Variants in AMH observed in about 807,000 individuals in gnomAD.
The protein encoded by AMH is anti-Mullerian hormone, also known as anti-Muellerian hormone.
AMH carries 39 observed loss-of-function variants against 33.3 expected under a neutral mutation model. The observed-to-expected ratio is 1.17, with a 90% CI of 0.91 to 1.53. The LOEUF (loss-of-function observed/expected upper bound fraction) is 1.53, where lower values mean the gene tolerates loss of function less well. AMH is among the 40% of genes most tolerant of loss of function. The pLI is 0.00. For synonymous variants in AMH, 536 were observed against 403.0 expected (o/e 1.33, Z -3.95); for missense variants, 1,019 against 799.8 (o/e 1.27, Z -3.30).
Position 2,251,541 on chromosome 19 carries a change from C to G in AMH, c.1267C>G (p.Arg423Gly). 2.2e-6 allele frequency: 3 copies of G among 1,340,000 alleles called. No homozygotes were observed. The highest frequency in any genetic ancestry group is 2.9e-6 in the Non-Finnish European group (3 of 1,047,680). 83.0% of individuals were successfully genotyped at this position (1,340,000 alleles called of 1,614,324 possible). A position where few individuals can be genotyped will look rare whatever the true frequency, so the allele number is the denominator to read the frequency against. ...CCCCGGCGGCCTCGGCGATCCCCTG[C>G]GAGCGCTGCTGCTCCTGAAGGCGCT... ...GGPGGLGDPL[R>G]ALLLLKALQG... Residue 423 changes from arginine to glycine, a missense_variant, in exon 5 of 5, where the codon CGA becomes GGA. Coordinates refer to ENST00000221496, the MANE Select transcript of AMH (RefSeq NM_000479.5).
intron 1 of AMH, 23 bp downstream of exon 1, chr19:2,249,767 C>T (rs765581296): frequency 1.3e-5 from 20 of 1,485,562 alleles, no homozygotes; most frequent in Middle Eastern, 3.6e-4. Context: ...CAGCCCCAAG[C>T]TTGGCACCGC....
rs1234148017 is a variant in AMH at position 2,251,098 on chromosome 19, G to C, written c.825-1G>C. The C allele has an allele frequency of 1.3e-6, 2 of 1,542,084 alleles. No homozygotes were observed. Among genetic ancestry groups the C allele is most frequent in the African/African-American group, 1.4e-5 (1 of 72,518 alleles). On this transcript the variant is annotated splice_acceptor_variant, in intron 4 of 4. Coordinates refer to ENST00000221496, the MANE Select transcript of AMH (RefSeq NM_000479.5). LOFTEE classifies it high-confidence loss of function. ...TCAACTCCTCCAATTGCGGGTTCCA[G>C]GCCATCCGCGGAACTCGAGGAGTCG...
At chr19:2,250,131 G>C in intron 1 of AMH, 1 of 823,266 alleles carries the variant, frequency 1.2e-6, no homozygotes, top group Non-Finnish European at 1.9e-6. Flanking sequence ...CCCCAGGGCG[G>C]CAGCCCCACC....
chr19:2,249,395 G>A lies in AMH; in HGVS notation c.63G>A (p.Gly21=). Residue 21 remains glycine (G), a synonymous_variant, in exon 1 of 5, where the codon GGG becomes GGA. Coordinates refer to ENST00000221496, the MANE Select transcript of AMH (RefSeq NM_000479.5). ...LVLSALGALL[G]TEALRAEEPA... ...TGTCTGCCCTGGGGGCTCTGCTGGG[G>A]ACTGAGGCCCTCAGAGCAGAGGAGC... is the stretch of plus-strand genomic sequence containing the variant. 1 of 1,592,492 alleles carries A rather than the reference G, an allele frequency of 6.3e-7. No individual in the cohort carries two copies. The highest frequency in any genetic ancestry group is 8.5e-7 in the Non-Finnish European group (1 of 1,170,420).
rs2025049187 is a variant in AMH, at chr19:2,251,717, G to A, written c.1443G>A (p.Glu481=). 1 of 1,611,688 alleles carries A rather than the reference G, an allele frequency of 6.2e-7. No homozygotes were observed. The highest frequency in any genetic ancestry group is 8.5e-7 in the Non-Finnish European group (1 of 1,179,584). The change falls in exon 5 of 5, where the codon GAG becomes GAA. Residue 481 remains glutamate (E), a synonymous_variant. Transcript: ENST00000221496. ...LRAERSVLIP[E]TYQANNCQGV... is the part of the protein sequence containing the mutation. ...CCGAGCGCTCCGTACTCATCCCCGA[G>A]ACCTACCAGGCCAACAATTGCCAGG... is the stretch of plus-strand genomic sequence containing the variant.
In AMH at chr19:2,249,448, TC is replaced by T; in HGVS notation, c.118del (p.Arg40GlufsTer37). 1 of 1,604,738 alleles carries T rather than the reference TC, an allele frequency of 6.2e-7. No individual in the cohort carries two copies. On this transcript the variant is annotated frameshift_variant, in exon 1 of 5. Transcript: ENST00000221496. LOFTEE classifies it high-confidence loss of function. Reference sequence around the variant, plus strand: ...GCTGTGGGCACCAGTGGCCTCATCTTCCGAGAAGACTTGGACTGGCCTCCAG... The same window carrying T: ...GCTGTGGGCACCAGTGGCCTCATCTTCGAGAAGACTTGGACTGGCCTCCAG... ...EPAVGTSGLI[F>X]REDLDWPPGS...
Position 2,251,263 on chromosome 19 carries a change from T to C in AMH, c.989T>C (p.Leu330Pro). The C allele has an allele frequency of 6.6e-7, 1 of 1,505,066 alleles. No individual in the cohort carries two copies. Among genetic ancestry groups the C allele is most frequent in the Non-Finnish European group, 8.8e-7 (1 of 1,134,776 alleles). The allele number at this position is 1,505,066 out of a possible 1,614,324, so 93.2% of individuals were successfully genotyped here. The change falls in exon 5 of 5, where the codon CTG becomes CCG. Residue 330 changes from leucine (L) to proline (P), a missense_variant. Coordinates refer to ENST00000221496, the MANE Select transcript of AMH (RefSeq NM_000479.5). ...LAGFPQGLVN[L>P]SDPAALERLL... ...GGCTTCCCGCAGGGCCTAGTCAACCTGTCGGACCCCGCGGCGCTGGAGCGC... is the reference window on the plus strand; with the variant it reads ...GGCTTCCCGCAGGGCCTAGTCAACCCGTCGGACCCCGCGGCGCTGGAGCGC...
In AMH at chr19:2,249,385, C is replaced by T. The variant is rs61736578; in HGVS notation, c.53C>T (p.Ala18Val). 1.4e-3 allele frequency: 2,227 copies of T among 1,588,802 alleles called. 2 individuals carry two copies. Among genetic ancestry groups the T allele is most frequent in the Non-Finnish European group, 1.7e-3 (2,021 of 1,168,560 alleles). ...GCCCTAGTGCTGTCTGCCCTGGGGG[C>T]TCTGCTGGGGACTGAGGCCCTCAGA... is the stretch of plus-strand genomic sequence containing the variant. Reference protein sequence around the residue: ...SLALVLSALGALLGTEALRAE... With the variant: ...SLALVLSALGVLLGTEALRAE... The change falls in exon 1 of 5, where the codon GCT becomes GTT. Residue 18 changes from alanine to valine, a missense_variant. Coordinates refer to ENST00000221496, the MANE Select transcript of AMH (RefSeq NM_000479.5).
chr19:2,251,357 G>C lies in AMH; in HGVS notation c.1083G>C (p.Ala361=). 1 of 1,484,266 alleles carries C rather than the reference G, an allele frequency of 6.7e-7. No homozygotes were observed. Among genetic ancestry groups the C allele is most frequent in the South Asian group, 1.3e-5 (1 of 79,006 alleles). 91.9% of individuals were successfully genotyped at this position (1,484,266 alleles called of 1,614,324 possible). A position where few individuals can be genotyped will look rare whatever the true frequency, so the allele number is the denominator to read the frequency against. ...RPTAATTGDP[A]PLHDPTSAPW... is the part of the protein sequence containing the mutation. ...CTGCGGCCACCACCGGGGATCCTGC[G>C]CCCCTGCACGACCCCACGTCGGCGC... The change falls in exon 5 of 5, where the codon GCG becomes GCC. Residue 361 remains alanine, a synonymous_variant. Transcript: ENST00000221496.
Position 2,251,613 on chromosome 19 carries a change from G to C in AMH, c.1339G>C (p.Gly447Arg). 1 of 1,406,918 alleles carries C rather than the reference G, an allele frequency of 7.1e-7. No homozygotes were observed. The highest frequency in any genetic ancestry group is 9.2e-7 in the Non-Finnish European group (1 of 1,082,398). 87.2% of individuals were successfully genotyped at this position (1,406,918 alleles called of 1,614,324 possible). A position where few individuals can be genotyped will look rare whatever the true frequency, so the allele number is the denominator to read the frequency against. Residue 447 changes from glycine to arginine, a missense_variant, in exon 5 of 5, where the codon GGT (glycine) becomes CGT (arginine). Coordinates refer to ENST00000221496, the MANE Select transcript of AMH (RefSeq NM_000479.5). ...EWRGRDPRGP[G>R]RAQRSAGATA... ...GCGCGGGCGGGATCCGCGCGGGCCG[G>C]GTCGGGCACAGCGCAGCGCGGGGGC...
chr19:2,252,051 A>G lies in AMH; in HGVS notation c.*94A>G, dbSNP rs145442747. ...TATTCGGACCCCAAGCATCGCCCCAATAAAGACCAGCAAGCAACCGGCTGG... is the reference window on the plus strand; with the variant it reads ...TATTCGGACCCCAAGCATCGCCCCAGTAAAGACCAGCAAGCAACCGGCTGG... On this transcript the variant is annotated 3_prime_UTR_variant, in exon 5 of 5. Transcript: ENST00000221496. The G allele has an allele frequency of 2.1e-4, 318 of 1,492,268 alleles. 3 individuals are homozygous for G. The African/African-American group carries it at 3.9e-3, about 18-fold the overall frequency. The allele number at this position is 1,492,268 out of a possible 1,614,324, so 92.4% of individuals were successfully genotyped here. A position where few individuals can be genotyped will look rare whatever the true frequency, so the allele number is the denominator to read the frequency against.
At position 2,250,860 on chromosome 19, in the gene AMH, A is replaced by AGTACCGCCCGGCTGC. The variant is rs763529848; in HGVS notation, c.677_691dup (p.Leu230_Gln231insArgThrAlaArgLeu). The AGTACCGCCCGGCTGC allele has an allele frequency of 1.0e-5, 16 of 1,570,596 alleles. No individual in the cohort carries two copies. Among genetic ancestry groups the AGTACCGCCCGGCTGC allele is most frequent in the Non-Finnish European group, 1.4e-5 (16 of 1,166,954 alleles). ...CCCACCCACCGCAGACTCCCGGCTG[A>AGTACCGCCCGGCTGC]GTACCGCCCGGCTGCAGGCACTGCT... On this transcript the variant is annotated inframe_insertion, in exon 4 of 5. Transcript: ENST00000221496.
At position 2,250,348 on chromosome 19, in the gene AMH, C is replaced by T; in HGVS notation, c.424C>T (p.Pro142Ser). 1 of 1,597,886 alleles carries T rather than the reference C, an allele frequency of 6.3e-7. No homozygotes were observed. Among genetic ancestry groups the T allele is most frequent in the Admixed American group, 1.7e-5 (1 of 58,582 alleles). The change falls in exon 2 of 5, where the codon CCA becomes TCA. Residue 142 changes from proline (P) to serine (S), a missense_variant. Pro to Ser is a moderately conservative substitution (Grantham distance 74). Transcript: ENST00000221496. Reference protein sequence around the residue: ...VLHLEEVTWEPTPSLRFQEPP... With the variant: ...VLHLEEVTWESTPSLRFQEPP... ...TGTCCCGGCTGCAGTGACCTGGGAG[C>T]CAACACCCTCGCTGAGGTTCCAGGA...
chr19:2,250,477 C>G lies in AMH; in HGVS notation c.553C>G (p.Gln185Glu), dbSNP rs200523942. The change falls in exon 2 of 5, where the codon CAG (glutamine) becomes GAG (glutamate). Residue 185 changes from glutamine to glutamate, a missense_variant and splice_region_variant. Transcript: ENST00000221496. Reference sequence around the variant, plus strand: ...GACGAGGGCTGGGCTGCCGGGTGCCCAGGTACCAGGGAGTTGCATGGGGCA... The same window carrying G: ...GACGAGGGCTGGGCTGCCGGGTGCCGAGGTACCAGGGAGTTGCATGGGGCA... ...TVTRAGLPGA[Q>E]SLCPSRDTRY... The G allele has an allele frequency of 2.3e-4, 351 of 1,548,110 alleles. No homozygotes were observed. Among genetic ancestry groups the G allele is most frequent in the Middle Eastern group, 1.5e-3 (7 of 4,782 alleles).
chr19:2,250,124 C>G, intron 1 of AMH: 2 of 774,136 alleles, frequency 2.6e-6, no homozygotes, highest in Non-Finnish European at 4.2e-6. Context: ...CCAGAGACCC[C>G]AGGGCGGCAG....
chr19:2,250,809 C>G, intron 3 of AMH, 40 bp from the exon 4 acceptor site: 1 of 1,539,888 alleles, frequency 6.5e-7, no homozygotes. Context: ...TGCCCCCGGG[C>G]CCCCAGCCCC....
chr19:2,251,579 C>A lies in AMH; in HGVS notation c.1305C>A (p.Arg435=). 2 of 1,294,174 alleles carry A rather than the reference C, an allele frequency of 1.5e-6. No homozygotes were observed. Among genetic ancestry groups the A allele is most frequent in the Admixed American group, 4.1e-5 (1 of 24,676 alleles). The allele number at this position is 1,294,174 out of a possible 1,614,324, so 80.2% of individuals were successfully genotyped here. A position where few individuals can be genotyped will look rare whatever the true frequency, so the allele number is the denominator to read the frequency against. Residue 435 remains arginine (R), a synonymous_variant, in exon 5 of 5, where the codon CGC becomes CGA. Coordinates refer to ENST00000221496, the MANE Select transcript of AMH (RefSeq NM_000479.5). ...TCCTGAAGGCGCTGCAGGGCCTGCG[C>A]GTGGAGTGGCGCGGGCGGGATCCGC... The part of the protein sequence containing the change: ...LLLLKALQGL[R]VEWRGRDPRG...
rs1382648768 is a variant in AMH at position 2,250,484 on chromosome 19, C to G, written c.555+5C>G. 6.5e-7 allele frequency: 1 copy of G among 1,547,518 alleles called. No individual in the cohort carries two copies. Among genetic ancestry groups the G allele is most frequent in the Non-Finnish European group, 8.7e-7 (1 of 1,146,976 alleles). On this transcript the variant is annotated splice_donor_5th_base_variant and intron_variant, in intron 2 of 4. Transcript: ENST00000221496. ...GCTGGGCTGCCGGGTGCCCAGGTACCAGGGAGTTGCATGGGGCAGTGCCCG... is the reference window on the plus strand; with the variant it reads ...GCTGGGCTGCCGGGTGCCCAGGTACGAGGGAGTTGCATGGGGCAGTGCCCG...
rs752939885 is a variant in AMH at position 2,251,077 on chromosome 19, C to A, written c.825-22C>A. The A allele has an allele frequency of 3.3e-6, 5 of 1,537,078 alleles. No homozygotes were observed. In the Admixed American group the frequency reaches 9.6e-5, roughly 29 times the overall value. ...GGCGTGGCCTCGTGGCCGCTCTCAA[C>A]TCCTCCAATTGCGGGTTCCAGGCCA... On this transcript the variant is annotated intron_variant, in intron 4 of 4. Transcript: ENST00000221496.
Sources: allele counts gnomAD v4.1 joint callset, GRCh38; gene constraint gnomAD v4.1.1; transcripts MANE v1.5; gene names NCBI Gene and HGNC (gene_info 2026-07-23, HGNC 2026-07-21).